METTL8: variants seen among roughly 807,000 people sequenced by gnomAD.
METTL8 encodes the protein tRNA N(3)-cytidine methyltransferase METTL8, mitochondrial.
Under a neutral mutation model 48.7 loss-of-function variants are expected in METTL8, and 32 were observed. That is an observed-to-expected ratio of 0.66 (90% CI 0.50 to 0.88). The LOEUF (loss-of-function observed/expected upper bound fraction) is 0.88, where lower values mean the gene tolerates loss of function less well. Ranked by LOEUF, METTL8 falls within the 40% of genes least tolerant of loss-of-function variation. METTL8 has a pLI of 0.00. For synonymous variants in METTL8, 136 were observed against 157.1 expected, an observed-to-expected ratio of 0.87 and a Z score of 1.01; for missense variants, 464 against 474.4, an observed-to-expected ratio of 0.98 and a Z score of 0.20.
intron 1 of METTL8, among the ~76,000 whole-genome samples, chr2:171,395,613 G>T (rs1688989579): frequency 6.6e-6 from 1 of 152,140 alleles, no homozygotes; most frequent in South Asian, 2.1e-4. Context: ...ATTTAATAAT[G>T]ATAATAAGCC....
intron 3 of METTL8, among the ~76,000 whole-genome samples, chr2:171,346,786 TTTTAAACAATCTA>T (rs1687305164): frequency 6.6e-6 from 1 of 152,176 alleles, no homozygotes; most frequent in African/African-American, 2.4e-5. Flanking sequence ...AAAGTAGAGC[TTTTAAACAATCTA>T]TTTACCTTGA....
chr2:171,392,586 A>G (rs1477760584), intron 1 of METTL8, among the ~76,000 whole-genome samples: 1 of 152,142 alleles, frequency 6.6e-6, no homozygotes, highest in South Asian at 2.1e-4. Flanking sequence ...TCTAGGAAAT[A>G]TTTTGTGACC....
chr2:171,404,271 C>T (rs1030745945), intron 1 of METTL8, among the ~76,000 whole-genome samples: 12 of 151,540 alleles, frequency 7.9e-5, no homozygotes, highest in Non-Finnish European at 1.2e-4. Flanking sequence ...AAAATGCCTA[C>T]GTGATAAGAT....
At chr2:171,349,903 ATAATT>A (rs1166993006) in intron 3 of METTL8, among the ~76,000 whole-genome samples, 4 of 152,154 alleles carry the variant, frequency 2.6e-5, no homozygotes, top group Non-Finnish European at 4.4e-5. Flanking sequence ...AGTACATGTG[ATAATT>A]TAATACCTTC....
chr2:171,333,537 T>C (rs190037101), intron 5 of METTL8, among the ~76,000 whole-genome samples: 98 of 152,374 alleles, frequency 6.4e-4, no homozygotes, highest in African/African-American at 2.1e-3. Flanking sequence ...GATTTTGTTA[T>C]GAAAAGCTAA....
chr2:171,329,645 T>G (rs1685319840), intron 7 of METTL8, among the ~76,000 whole-genome samples: 1 of 152,258 alleles, frequency 6.6e-6, no homozygotes, highest in African/African-American at 2.4e-5. Flanking sequence ...GAATTTGTTC[T>G]TCTACAAGTA....
At chr2:171,413,270 G>A (rs546191863) in intron 1 of METTL8, among the ~76,000 whole-genome samples, 1 of 152,300 alleles carries the variant, frequency 6.6e-6, no homozygotes, top group South Asian at 2.1e-4. Context: ...CATCTGAAGA[G>A]ACAAAGCACT....
chr2:171,399,595 G>A (rs534809743), intron 1 of METTL8, among the ~76,000 whole-genome samples: 3 of 152,182 alleles, frequency 2.0e-5, no homozygotes, highest in African/African-American at 7.2e-5. Context: ...ACAAATTTTG[G>A]CTAGATGCTT....
At chr2:171,360,570 A>G in intron 2 of METTL8, 57 bp from the exon 3 acceptor site, 2 of 1,451,312 alleles carry the variant, frequency 1.4e-6, no homozygotes, top group Non-Finnish European at 1.9e-6. Flanking sequence ...GGCAGAAAAA[A>G]GGTGACAAGG....
At chr2:171,360,966 AGCCTGC>A (rs1475272512) in intron 2 of METTL8, among the ~76,000 whole-genome samples, 34 of 152,350 alleles carry the variant, frequency 2.2e-4, no homozygotes, top group Admixed American at 2.1e-3. Context: ...TTTTGTACTT[AGCCTGC>A]AATTTTTAAA....
At position 171,431,970 on chromosome 2, in the gene METTL8, G is replaced by A. The variant is rs1012074649; in HGVS notation, c.-13+1913C>T. Among the ~76,000 whole-genome samples the A allele has an allele frequency of 7.2e-5, 11 of 152,338 alleles. No individual in the cohort carries two copies. In the South Asian group the frequency reaches 1.4e-3, roughly 20 times the overall value. Reference sequence around the variant, plus strand: ...TGACATGCCTGGTCCAGCCGCAAGCGGTGCACGGAGCCAGCTCCTGTGCCG... The same window carrying A: ...TGACATGCCTGGTCCAGCCGCAAGCAGTGCACGGAGCCAGCTCCTGTGCCG... On this transcript the variant is annotated intron_variant, in intron 1 of 9. Coordinates refer to ENST00000375258, the MANE Select transcript of METTL8 (RefSeq NM_001321154.2).
chr2:171,372,315 C>T (rs1309904265), intron 2 of METTL8, among the ~76,000 whole-genome samples: 1 of 151,714 alleles, frequency 6.6e-6, no homozygotes, highest in Non-Finnish European at 1.5e-5. Flanking sequence ...AAACTCAATA[C>T]CAATGCATAT....
At chr2:171,402,842 C>T (rs1311488531) in intron 1 of METTL8, among the ~76,000 whole-genome samples, 3 of 152,004 alleles carry the variant, frequency 2.0e-5, no homozygotes, top group East Asian at 3.9e-4. Flanking sequence ...CACATACACC[C>T]GAAAAACCAA....
At chr2:171,356,463 A>G (rs1684551673) in intron 3 of METTL8, among the ~76,000 whole-genome samples, 1 of 152,152 alleles carries the variant, frequency 6.6e-6, no homozygotes, top group Non-Finnish European at 1.5e-5. Context: ...TGAAATGTTC[A>G]GTAGATTATT....
intron 1 of METTL8, among the ~76,000 whole-genome samples, chr2:171,393,102 TCAAAA>T (rs1688732582): frequency 6.6e-6 from 1 of 151,570 alleles, no homozygotes; most frequent in South Asian, 2.1e-4. Flanking sequence ...AGACTCTGTC[TCAAAA>T]CAAACAAAAC....
At chr2:171,424,720 T>C (rs1010865030) in intron 1 of METTL8, among the ~76,000 whole-genome samples, 4 of 152,228 alleles carry the variant, frequency 2.6e-5, no homozygotes, top group Admixed American at 6.5e-5. Context: ...TTTTACAGGC[T>C]CATAGGCAGA....
At chr2:171,423,269 C>T (rs539237602) in intron 1 of METTL8, among the ~76,000 whole-genome samples, 12 of 152,158 alleles carry the variant, frequency 7.9e-5, no homozygotes, top group African/African-American at 2.9e-4. Flanking sequence ...TTATTAGTAA[C>T]GTGAGAACAG....
intron 1 of METTL8, among the ~76,000 whole-genome samples, chr2:171,432,458 C>A (rs1465674272): frequency 1.3e-5 from 2 of 151,812 alleles, no homozygotes; most frequent in Non-Finnish European, 2.9e-5. Flanking sequence ...CAAGTGGGGG[C>A]AAAGAGGAAA....
At chr2:171,385,971 T>C (rs1305922211) in intron 2 of METTL8, among the ~76,000 whole-genome samples, 2 of 152,212 alleles carry the variant, frequency 1.3e-5, no homozygotes, top group Non-Finnish European at 2.9e-5. Context: ...AAGAGCCTTT[T>C]CAAGTTAGAA....
Sources: allele counts gnomAD v4.1 joint callset (sites outside exome capture counted in the v4.1 genomes callset), GRCh38; gene constraint gnomAD v4.1.1; transcripts MANE v1.5; gene names NCBI Gene and HGNC (gene_info 2026-07-23, HGNC 2026-07-21).